The following ZNF81 variants were observed in gnomAD, a reference collection of about 807,000 sequenced individuals.
ZNF81 encodes zinc finger protein 81 (HFZ20).
Under a neutral mutation model 32.3 loss-of-function variants are expected in ZNF81, and 5 were observed. The observed-to-expected ratio is 0.15, with a 90% CI of 0.08 to 0.33. The LOEUF is 0.33. Ranked by LOEUF, ZNF81 falls within the 10% of genes least tolerant of loss-of-function variation. ZNF81 has a pLI of 1.00. For synonymous variants in ZNF81, 163 were observed against 166.8 expected (o/e 0.98, Z 0.17); for missense variants, 379 against 479.8 (o/e 0.79, Z 1.96).
At chrX:47,866,420 G>A (rs2058560078) in intron 2 of ZNF81, among the ~76,000 whole-genome samples, 1 of 112,173 alleles carries the variant, frequency 8.9e-6, no homozygotes, top group Non-Finnish European at 1.9e-5. Context: ...TAATGAAATT[G>A]CAAAGACAGA....
At chrX:47,866,905 T>A (rs1301891791) in intron 2 of ZNF81, among the ~76,000 whole-genome samples, 1 of 111,774 alleles carries the variant, frequency 8.9e-6, no homozygotes, top group African/African-American at 3.3e-5. Flanking sequence ...ATATACACCA[T>A]GGAATACTAT....
At chrX:47,871,310 C>T (rs2058579450) in intron 2 of ZNF81, among the ~76,000 whole-genome samples, 2 of 111,748 alleles carry the variant, frequency 1.8e-5, no homozygotes, top group Admixed American at 9.5e-5. Flanking sequence ...TGTTTATTGT[C>T]AGTATATAGA....
intron 2 of ZNF81, among the ~76,000 whole-genome samples, chrX:47,881,517 T>G (rs782153684): frequency 1.8e-5 from 2 of 112,354 alleles, no homozygotes; most frequent in Admixed American, 9.4e-5. Flanking sequence ...AGGACTGACA[T>G]ATAAATAGTA....
intron 2 of ZNF81, among the ~76,000 whole-genome samples, chrX:47,851,601 A>C (rs1047627518): frequency 1.8e-5 from 2 of 111,710 alleles, no homozygotes; most frequent in South Asian, 3.7e-4. Flanking sequence ...GTTGCTATTT[A>C]TGGAAGGATG....
chrX:47,895,705 C>T, intron 3 of ZNF81, 140 bp from the exon 4 acceptor site: 5 of 522,095 alleles, frequency 9.6e-6, no homozygotes, highest in East Asian at 3.7e-5. Context: ...ATGATGTCCT[C>T]CTTGACTTGT....
rs1422307938 is a variant in ZNF81, at chrX:47,841,487, A to G, written c.-164+4500A>G. 2.5e-5 allele frequency: 26 copies of G among 1,028,680 alleles called. No individual in the cohort carries two copies. The East Asian group carries it at 7.6e-4, about 30-fold the overall frequency. 84.8% of individuals were successfully genotyped at this position (1,028,680 alleles called of 1,213,427 possible). On this transcript the variant is annotated intron_variant, in intron 1 of 4. Coordinates refer to ENST00000338637, the MANE Select transcript of ZNF81 (RefSeq NM_007137.5). ...TTCCAAGGCATGAGGTTTCACTTCT[A>G]GTCGTCTGAGACGCACCTTGTCACG...
chrX:47,894,395 A>T (rs183904153), intron 3 of ZNF81, among the ~76,000 whole-genome samples: 2 of 111,916 alleles, frequency 1.8e-5, no homozygotes, highest in Admixed American at 9.4e-5. Context: ...AGGCAATGCC[A>T]GGATTCCCCT....
intron 4 of ZNF81, among the ~76,000 whole-genome samples, chrX:47,897,111 A>C (rs782082871): frequency 1.8e-5 from 2 of 112,282 alleles, no homozygotes; most frequent in South Asian, 7.3e-4. Flanking sequence ...CTGCTAGGTC[A>C]TGTAATAAGT....
At position 47,918,854 on chromosome X, in the gene ZNF81, C is replaced by T. The variant is rs1045607283; in HGVS notation, c.*2222C>T. On this transcript the variant is annotated 3_prime_UTR_variant, in exon 5 of 5. Coordinates refer to ENST00000338637, the MANE Select transcript of ZNF81 (RefSeq NM_007137.5). ...CATTTGCTCTGTGGGATTTCAGAATCGTTATGGAACAGTGACTGATATGTG... is the reference window on the plus strand; with the variant it reads ...CATTTGCTCTGTGGGATTTCAGAATTGTTATGGAACAGTGACTGATATGTG... 2.4e-5 allele frequency: 3 copies of T among 124,487 alleles called. No homozygotes were observed. Among genetic ancestry groups the T allele is most frequent in the Non-Finnish European group, 4.9e-5 (3 of 60,888 alleles). The allele number at this position is 124,487 out of a possible 1,213,427, so 10.3% of individuals were successfully genotyped here.
At position 47,924,034 on chromosome X, in the gene ZNF81, A is replaced by C. The variant is rs2058784475; in HGVS notation, c.*7402A>C. Among the ~76,000 whole-genome samples the C allele has an allele frequency of 9.0e-6, 1 of 111,667 alleles. No homozygotes were observed. The highest frequency in any genetic ancestry group is 1.9e-5 in the Non-Finnish European group (1 of 53,138). ...CTTCTCATGGCAGTCCCACATCAGC[A>C]GCTAGATGTGCCTGGCTTCTCAGAT... On this transcript the variant is annotated 3_prime_UTR_variant, in exon 5 of 5. Transcript: ENST00000338637.
chrX:47,915,580 A>T lies in ZNF81; in HGVS notation c.934A>T (p.Thr312Ser), dbSNP rs2058753736. 5.8e-6 allele frequency: 7 copies of T among 1,211,669 alleles called. No homozygotes were observed. Among genetic ancestry groups the T allele is most frequent in the Non-Finnish European group, 7.8e-6 (7 of 895,402 alleles). Residue 312 changes from threonine (T) to serine (S), a missense_variant, in exon 5 of 5, where the codon ACA becomes TCA. Around this residue, in one of 2 missense-constraint regions of ZNF81, gnomAD observed 277 missense variants for 306.6 expected, o/e 0.90. Transcript: ENST00000338637. ...HELSKCVNVF[T>S]QKPLLSIYLR... ...GCTTAGCAAATGTGTAAATGTTTTT[A>T]CACAGAAGCCACTACTCAGTATATA... is the stretch of plus-strand genomic sequence containing the variant.
At chrX:47,876,712 T>C (rs191900293) in intron 2 of ZNF81, among the ~76,000 whole-genome samples, 1 of 112,415 alleles carries the variant, frequency 8.9e-6, no homozygotes, top group Non-Finnish European at 1.9e-5. Context: ...TCACTATGTT[T>C]GAAACAGCCA....
In ZNF81 at chrX:47,864,526, A is replaced by T. The variant is rs782494441; in HGVS notation, c.54+18205A>T. Among the ~76,000 whole-genome samples, 6 of 111,808 alleles carry T rather than the reference A, an allele frequency of 5.4e-5. No individual in the cohort carries two copies. In the South Asian group the frequency reaches 2.2e-3, roughly 42 times the overall value. ...GTGGGGCCACACGTCATGTGATGTGACCTTTCTTATCACAATGGGTAATCT... is the reference window on the plus strand; with the variant it reads ...GTGGGGCCACACGTCATGTGATGTGTCCTTTCTTATCACAATGGGTAATCT... On this transcript the variant is annotated intron_variant, in intron 2 of 4. Transcript: ENST00000338637.
chrX:47,848,126 A>G (rs1175293785), intron 2 of ZNF81, among the ~76,000 whole-genome samples: 1 of 110,879 alleles, frequency 9.0e-6, no homozygotes, highest in African/African-American at 3.3e-5. Context: ...CGTGTTAGCC[A>G]GGATGGTCTC....
At position 47,922,742 on chromosome X, in the gene ZNF81, AG is replaced by A. The variant is rs1188098903; in HGVS notation, c.*6111del. Among the ~76,000 whole-genome samples the A allele has an allele frequency of 1.8e-5, 2 of 111,967 alleles. No individual in the cohort carries two copies. The highest frequency in any genetic ancestry group is 6.5e-5 in the African/African-American group (2 of 30,754). ...TATAACAAAGTACCACAAATTGGGCAGCCTAAAACAGCAGAAATTGTCTCAT... is the reference window on the plus strand; with the variant it reads ...TATAACAAAGTACCACAAATTGGGCACCTAAAACAGCAGAAATTGTCTCAT... On this transcript the variant is annotated 3_prime_UTR_variant, in exon 5 of 5. Transcript: ENST00000338637.
At chrX:47,888,188 TA>T in intron 3 of ZNF81, 63 bp downstream of exon 3, 1 of 1,167,242 alleles carries the variant, frequency 8.6e-7, no homozygotes, top group Non-Finnish European at 1.2e-6. Flanking sequence ...TGCCCCCAAA[TA>T]AAATATGTTG....
chrX:47,845,375 C>G (rs948958036), intron 1 of ZNF81, among the ~76,000 whole-genome samples: 2 of 111,612 alleles, frequency 1.8e-5, no homozygotes, highest in African/African-American at 6.5e-5. Flanking sequence ...ACAGTTTTAC[C>G]TCTGGATATT....
At chrX:47,876,705 C>G (rs922773367) in intron 2 of ZNF81, among the ~76,000 whole-genome samples, 31 of 112,306 alleles carry the variant, frequency 2.8e-4, no homozygotes, top group African/African-American at 1.0e-3. Flanking sequence ...GTTATAGTCA[C>G]TATGTTTGAA....
intron 2 of ZNF81, among the ~76,000 whole-genome samples, chrX:47,870,950 C>T (rs1556883839): frequency 8.9e-6 from 1 of 112,132 alleles, no homozygotes; most frequent in African/African-American, 3.2e-5. Flanking sequence ...GTATTGTTAG[C>T]TAATTCCCAT....
Sources: allele counts gnomAD v4.1 joint callset (sites outside exome capture counted in the v4.1 genomes callset), GRCh38; gene constraint gnomAD v4.1.1; regional missense constraint gnomAD v4.1.1; transcripts MANE v1.5; gene names NCBI Gene and HGNC (gene_info 2026-07-23, HGNC 2026-07-21).